CDH13: variants seen among roughly 807,000 people sequenced by gnomAD.
CDH13 encodes cadherin 13, also known as cadherin-13.
Under a neutral mutation model 63.8 loss-of-function variants are expected in CDH13, and 24 were observed. The observed-to-expected ratio is 0.38, with a 90% CI of 0.27 to 0.53. The LOEUF (loss-of-function observed/expected upper bound fraction) is 0.53. CDH13 is among the 20% of genes least tolerant of loss of function. The probability of loss-of-function intolerance (pLI) is 0.85; values close to 1 mark genes in which losing one functional copy is unlikely to be tolerated. For synonymous variants in CDH13, 503 were observed against 355.3 expected, an observed-to-expected ratio of 1.42 and a Z score of -4.67; for missense variants, 1,049 against 903.1, an observed-to-expected ratio of 1.16 and a Z score of -2.07.
chr16:82,966,368 C>G (rs1042290453), intron 2 of CDH13, among the ~76,000 whole-genome samples: 5 of 152,232 alleles, frequency 3.3e-5, no homozygotes, highest in East Asian at 1.9e-4. Flanking sequence ...AGGATGGTCT[C>G]GATTTCCTGA....
chr16:82,826,180 T>C (rs1450949171), intron 1 of CDH13: 1 of 152,206 alleles, frequency 6.6e-6, no homozygotes, highest in Non-Finnish European at 1.5e-5. Context: ...AGATGCATTG[T>C]CTACTAACAG....
chr16:83,569,925 C>G (rs1904417821), intron 7 of CDH13, among the ~76,000 whole-genome samples: 1 of 152,112 alleles, frequency 6.6e-6, no homozygotes, highest in Admixed American at 6.5e-5. Flanking sequence ...TTAATAGAGA[C>G]AGGGTTTCAC....
chr16:82,667,029 T>G (rs1301748184), intron 1 of CDH13, among the ~76,000 whole-genome samples: 2 of 152,182 alleles, frequency 1.3e-5, no homozygotes, highest in African/African-American at 2.4e-5. Context: ...ACTCGGAGCC[T>G]TCTGATGTTT....
chr16:83,467,889 T>C (rs2073356682), intron 6 of CDH13, among the ~76,000 whole-genome samples: 1 of 152,178 alleles, frequency 6.6e-6, no homozygotes, highest in East Asian at 1.9e-4. Flanking sequence ...GCATAAACAG[T>C]CCGTTTGACA....
chr16:82,960,861 T>C (rs1906869525), intron 2 of CDH13, among the ~76,000 whole-genome samples: 1 of 152,234 alleles, frequency 6.6e-6, no homozygotes, highest in Admixed American at 6.5e-5. Context: ...ATTGTGATTT[T>C]TAATTCTAGG....
chr16:83,530,833 C>A (rs1455327082), intron 7 of CDH13, among the ~76,000 whole-genome samples: 1 of 152,186 alleles, frequency 6.6e-6, no homozygotes, highest in African/African-American at 2.4e-5. Context: ...CAGTAACTAG[C>A]CCCTTGGCAG....
intron 8 of CDH13, among the ~76,000 whole-genome samples, chr16:83,628,247 G>A (rs1472878121): frequency 1.3e-5 from 2 of 151,760 alleles, no homozygotes; most frequent in Non-Finnish European, 2.9e-5. Context: ...TGGTTCAAAC[G>A]CCTCTGACAC....
intron 2 of CDH13, among the ~76,000 whole-genome samples, chr16:82,973,025 A>C (rs533211864): frequency 2.0e-5 from 3 of 152,280 alleles, no homozygotes; most frequent in East Asian, 3.9e-4. Flanking sequence ...CTCGTTACAG[A>C]ATCTCAGAAT....
intron 13 of CDH13, among the ~76,000 whole-genome samples, chr16:83,791,640 A>C (rs967493362): frequency 6.6e-6 from 1 of 151,954 alleles, no homozygotes; most frequent in Non-Finnish European, 1.5e-5. Context: ...GTGAAACCCC[A>C]TCTCTACTAA....
chr16:83,480,934 C>G (rs1022498715), intron 6 of CDH13, among the ~76,000 whole-genome samples: 1 of 152,210 alleles, frequency 6.6e-6, no homozygotes, highest in African/African-American at 2.4e-5. Context: ...TCTTCTGACA[C>G]AGGGGCAAAC....
At chr16:83,044,219 A>C (rs761373039) in intron 3 of CDH13, among the ~76,000 whole-genome samples, 9 of 152,238 alleles carry the variant, frequency 5.9e-5, no homozygotes, top group Non-Finnish European at 1.2e-4. Flanking sequence ...CAGTGCCATC[A>C]TCCATCAGTA....
At chr16:83,480,513 A>G (rs994662515) in intron 6 of CDH13, among the ~76,000 whole-genome samples, 1 of 152,162 alleles carries the variant, frequency 6.6e-6, no homozygotes, top group Non-Finnish European at 1.5e-5. Context: ...CTTGGTCAGG[A>G]AACAATTTTA....
chr16:83,270,871 C>T (rs551793382), intron 5 of CDH13, among the ~76,000 whole-genome samples: 1 of 151,482 alleles, frequency 6.6e-6, no homozygotes, highest in South Asian at 2.1e-4. Flanking sequence ...CTCTTCTTTC[C>T]TGCCTTCCCT....
At chr16:82,783,944 T>C (rs924075463) in intron 1 of CDH13, among the ~76,000 whole-genome samples, 1 of 152,200 alleles carries the variant, frequency 6.6e-6, no homozygotes, top group African/African-American at 2.4e-5. Context: ...GTCTTCACAA[T>C]ACTTAATGTT....
chr16:83,467,724 C>T (rs1350491729), intron 6 of CDH13, among the ~76,000 whole-genome samples: 2 of 152,172 alleles, frequency 1.3e-5, no homozygotes, highest in Non-Finnish European at 2.9e-5. Context: ...AGCCCCCAAG[C>T]AGAGATGCTG....
chr16:83,564,396 CT>C (rs1243994133), intron 7 of CDH13, among the ~76,000 whole-genome samples: 2 of 49,850 alleles, frequency 4.0e-5, no homozygotes, highest in African/African-American at 2.0e-4. Context: ...TATGGGATGA[CT>C]CTTTTTTTTT....
chr16:83,242,245 C>A (rs1392784277), intron 5 of CDH13, among the ~76,000 whole-genome samples: 2 of 152,160 alleles, frequency 1.3e-5, no homozygotes, highest in Non-Finnish European at 2.9e-5. Context: ...TAGTATGTTT[C>A]TAAAACAGGA....
chr16:82,918,823 T>C (rs2042071968), intron 2 of CDH13, among the ~76,000 whole-genome samples: 1 of 152,312 alleles, frequency 6.6e-6, no homozygotes, highest in Middle Eastern at 3.4e-3. Flanking sequence ...ACACTGTAAC[T>C]TTTGATACAT....
intron 8 of CDH13, among the ~76,000 whole-genome samples, chr16:83,632,242 G>A (rs1910840553): frequency 7.0e-6 from 1 of 142,104 alleles, no homozygotes; most frequent in South Asian, 2.4e-4. Context: ...CTTATTCACA[G>A]GGCAGGATGG....
Sources: allele counts gnomAD v4.1 joint callset (sites outside exome capture counted in the v4.1 genomes callset), GRCh38; gene constraint gnomAD v4.1.1; transcripts MANE v1.5; gene names NCBI Gene and HGNC (gene_info 2026-07-23, HGNC 2026-07-21).